ACSL3: variants seen among roughly 807,000 people sequenced by gnomAD.
The protein encoded by ACSL3 is acyl-CoA synthetase long chain family member 3.
In ACSL3, 34 loss-of-function variants were observed where a neutral mutation model predicts 84.7. That is an observed-to-expected ratio of 0.40 (90% CI 0.31 to 0.53). The LOEUF (loss-of-function observed/expected upper bound fraction) is 0.53, where lower values mean the gene tolerates loss of function less well. Ranked by LOEUF, ACSL3 falls within the 20% of genes least tolerant of loss-of-function variation. The pLI, the probability that ACSL3 is intolerant of heterozygous loss-of-function variation, is 0.48. For missense variants in ACSL3, 680 were observed against 873.1 expected (o/e 0.78, Z 2.79); for synonymous variants, 315 against 299.4 (o/e 1.05, Z -0.54).
chr2:222,866,448 A>G (rs980232093), intron 1 of ACSL3, among the ~76,000 whole-genome samples: 1 of 152,070 alleles, frequency 6.6e-6, no homozygotes, highest in Non-Finnish European at 1.5e-5. Context: ...GCTGACTGCA[A>G]AATAGGTTCT....
At chr2:222,914,532 G>C (rs1165321191) in intron 4 of ACSL3, among the ~76,000 whole-genome samples, 5 of 152,138 alleles carry the variant, frequency 3.3e-5, no homozygotes, top group Non-Finnish European at 7.4e-5. Flanking sequence ...AAAGTGTTGA[G>C]ATTACAGGCA....
At chr2:222,921,624 CATAT>C (rs1292864146) in intron 8 of ACSL3, among the ~76,000 whole-genome samples, 194 bp downstream of exon 8, 1 of 151,880 alleles carries the variant, frequency 6.6e-6, no homozygotes. Flanking sequence ...GAAAATATAT[CATAT>C]AGATATATTT....
chr2:222,882,026 A>C (rs1315071375), intron 1 of ACSL3, among the ~76,000 whole-genome samples: 2 of 152,190 alleles, frequency 1.3e-5, no homozygotes, highest in Admixed American at 6.5e-5. Flanking sequence ...CATATTCTTT[A>C]AAGAGATTGT....
At chr2:222,877,841 T>C (rs1272322417) in intron 1 of ACSL3, among the ~76,000 whole-genome samples, 2 of 152,238 alleles carry the variant, frequency 1.3e-5, no homozygotes. Context: ...AATTTCTTTG[T>C]ATTACATGAT....
At chr2:222,889,397 G>A (rs1695793739) in intron 2 of ACSL3, among the ~76,000 whole-genome samples, 1 of 152,188 alleles carries the variant, frequency 6.6e-6, no homozygotes, top group Admixed American at 6.5e-5. Flanking sequence ...TAGGTTAACT[G>A]TGCGATGAAG....
chr2:222,928,746 G>A (rs1486689941), intron 12 of ACSL3, 116 bp from the exon 13 acceptor site: 5 of 872,162 alleles, frequency 5.7e-6, no homozygotes, highest in African/African-American at 3.4e-5. Context: ...CTGCTTTTAA[G>A]GAATAGCTGG....
chr2:222,866,753 G>GCCC (rs1237425837), intron 1 of ACSL3, among the ~76,000 whole-genome samples: 180 of 18,676 alleles, frequency 9.6e-3, no homozygotes, highest in Non-Finnish European at 0.016. Context: ...TGCCCCCCCC[G>GCCC]CCCCCCCCCC....
At chr2:222,874,595 C>T (rs1695398140) in intron 1 of ACSL3, among the ~76,000 whole-genome samples, 1 of 151,552 alleles carries the variant, frequency 6.6e-6, no homozygotes, top group Non-Finnish European at 1.5e-5. Flanking sequence ...ATTATTTGAG[C>T]CTGGGAGTTC....
intron 15 of ACSL3, 66 bp from the exon 16 acceptor site, chr2:222,934,464 A>T: frequency 7.7e-7 from 1 of 1,298,682 alleles, no homozygotes; most frequent in Non-Finnish European, 1.0e-6. Context: ...TTGTCACTGT[A>T]ATAATAACTG....
intron 3 of ACSL3, among the ~76,000 whole-genome samples, chr2:222,906,120 TC>T (rs1033148990): frequency 1.3e-5 from 2 of 152,186 alleles, no homozygotes; most frequent in African/African-American, 4.8e-5. Context: ...CCTCCCCTCT[TC>T]CAGGGCTGCT....
intron 11 of ACSL3, among the ~76,000 whole-genome samples, chr2:222,925,184 A>G (rs943335546): frequency 2.0e-5 from 3 of 152,116 alleles, no homozygotes; most frequent in Admixed American, 1.3e-4. Flanking sequence ...TAAAATTACA[A>G]AAATTAGCCA....
intron 11 of ACSL3, among the ~76,000 whole-genome samples, chr2:222,925,869 A>G (rs964910652): frequency 6.6e-6 from 1 of 152,210 alleles, no homozygotes; most frequent in Non-Finnish European, 1.5e-5. Context: ...AATAGAGTAC[A>G]TAGATTTATG....
Position 222,924,504 on chromosome 2 carries a change from A to G in ACSL3, c.1201A>G (p.Met401Val). The G allele has an allele frequency of 6.2e-7, 1 of 1,610,040 alleles. No individual in the cohort carries two copies. The highest frequency in any genetic ancestry group is 8.5e-7 in the Non-Finnish European group (1 of 1,178,348). The change falls in exon 11 of 17, where the codon ATG (methionine) becomes GTG (valine). Residue 401 changes from methionine to valine, a missense_variant. Transcript: ENST00000357430. The stretch of plus-strand genomic sequence containing the variant: ...AAATGTCATGAATAAAGTCAGTGAA[A>G]TGAGTAGTTTTCAACGTAATCTGTT... The part of the protein sequence containing the change: ...YKNVMNKVSE[M>V]SSFQRNLFIL...
intron 1 of ACSL3, among the ~76,000 whole-genome samples, chr2:222,874,133 A>G (rs1695381649): frequency 6.6e-6 from 1 of 151,992 alleles, no homozygotes. Context: ...GTGATTCTCA[A>G]TGCCTCAGCC....
intron 1 of ACSL3, among the ~76,000 whole-genome samples, chr2:222,876,845 A>G (rs1695463475): frequency 6.6e-6 from 1 of 152,152 alleles, no homozygotes; most frequent in African/African-American, 2.4e-5. Context: ...AAGTTACGTT[A>G]ATGGTATGCC....
At chr2:222,927,660 T>C (rs1457069442) in intron 12 of ACSL3, among the ~76,000 whole-genome samples, 2 of 152,204 alleles carry the variant, frequency 1.3e-5, no homozygotes, top group Non-Finnish European at 2.9e-5. Flanking sequence ...GAGTTTATCA[T>C]GTGGTTGTGT....
At chr2:222,920,904 A>G in intron 7 of ACSL3, 1 of 461,176 alleles carries the variant, frequency 2.2e-6, no homozygotes, top group Non-Finnish European at 4.4e-6. Flanking sequence ...ATTTCCTTCT[A>G]ATTAGAACAC....
chr2:222,876,969 C>T (rs372474128), intron 1 of ACSL3, among the ~76,000 whole-genome samples: 4 of 152,054 alleles, frequency 2.6e-5, no homozygotes, highest in African/African-American at 7.2e-5. Context: ...ATCTATATTC[C>T]TTTACTTCTG....
chr2:222,939,928 T>C (rs532421821), intron 16 of ACSL3, among the ~76,000 whole-genome samples: 1 of 152,222 alleles, frequency 6.6e-6, no homozygotes, highest in Non-Finnish European at 1.5e-5. Context: ...CTTTGTTAGA[T>C]TGCATGCTAC....
Sources: gnomAD v4.1 joint callset for allele counts (sites outside exome capture counted in the v4.1 genomes callset) on GRCh38, gnomAD v4.1.1 for gene constraint, MANE v1.5 for transcripts, NCBI Gene and HGNC (gene_info 2026-07-23, HGNC 2026-07-21) for gene names.